Variants in NRG1 observed in about 807,000 individuals in gnomAD.
The protein encoded by NRG1 is neuregulin 1, also known as pro-neuregulin-1, membrane-bound isoform.
In NRG1, 18 loss-of-function variants were observed where a neutral mutation model predicts 63.8. The ratio of observed to expected loss-of-function variants is 0.28; its 90% CI spans 0.19 to 0.42. The LOEUF is 0.42. Among genes scored for constraint, NRG1 ranks in the 10% least tolerant of loss-of-function variants. The probability of loss-of-function intolerance (pLI) is 1.00; values close to 1 mark genes in which losing one functional copy is unlikely to be tolerated. For synonymous variants in NRG1, 302 were observed against 301.3 expected, an observed-to-expected ratio of 1.00 and a Z score of -0.02; for missense variants, 762 against 814.7, an observed-to-expected ratio of 0.94 and a Z score of 0.79.
intron 1 of NRG1, among the ~76,000 whole-genome samples, chr8:32,184,029 A>G (rs941754287): frequency 6.6e-6 from 1 of 152,116 alleles, no homozygotes; most frequent in Non-Finnish European, 1.5e-5. Flanking sequence ...TCTTGGAAAA[A>G]TAGCAATTCC....
chr8:31,653,337 G>C (rs898057704), intron 1 of NRG1, among the ~76,000 whole-genome samples: 1 of 151,936 alleles, frequency 6.6e-6, no homozygotes, highest in African/African-American at 2.4e-5. Context: ...GTTAGGGTAG[G>C]CTAACTGCAG....
chr8:32,346,215 A>G (rs1306365856), intron 1 of NRG1, among the ~76,000 whole-genome samples: 1 of 147,838 alleles, frequency 6.8e-6, no homozygotes, highest in Non-Finnish European at 1.5e-5. Flanking sequence ...ATGAATAGAT[A>G]TATAGATGGA....
chr8:31,773,540 AT>A (rs1467047536), intron 1 of NRG1, among the ~76,000 whole-genome samples: 2 of 152,206 alleles, frequency 1.3e-5, no homozygotes, highest in Non-Finnish European at 2.9e-5. Context: ...AGGTTCCTGC[AT>A]TGACTCTTGC....
intron 1 of NRG1, among the ~76,000 whole-genome samples, chr8:32,208,536 G>A (rs990560024): frequency 4.6e-5 from 7 of 152,064 alleles, no homozygotes; most frequent in African/African-American, 1.7e-4. Flanking sequence ...GGGATTACAG[G>A]CGTGAACCAC....
chr8:31,709,273 T>C (rs1811499838), intron 1 of NRG1, among the ~76,000 whole-genome samples: 1 of 151,944 alleles, frequency 6.6e-6, no homozygotes, highest in Non-Finnish European at 1.5e-5. Context: ...CTAGATATAT[T>C]CATATAAATT....
intron 1 of NRG1, among the ~76,000 whole-genome samples, chr8:32,412,423 C>CATATATATATATATATATATAT (rs1178545836): frequency 1.1e-5 from 1 of 93,022 alleles, no homozygotes; most frequent in African/African-American, 4.1e-5. Context: ...TCTCTCTCTA[C>CATATATATATATATATATATAT]ATATATATAT....
At chr8:32,721,969 G>T in intron 5 of NRG1, 2 of 1,544,626 alleles carry the variant, frequency 1.3e-6, no homozygotes, top group Non-Finnish European at 1.7e-6. Flanking sequence ...AATAATTTCA[G>T]ATTTTTTAAC....
chr8:32,259,796 T>C (rs945720842), intron 1 of NRG1, among the ~76,000 whole-genome samples: 6 of 152,214 alleles, frequency 3.9e-5, no homozygotes, highest in Admixed American at 3.3e-4. Context: ...CTTGTTCCAG[T>C]TTACATAATC....
intron 7 of NRG1, among the ~76,000 whole-genome samples, chr8:32,747,697 T>TTGA (rs1374808312): frequency 6.7e-6 from 1 of 149,568 alleles, no homozygotes. Flanking sequence ...AATGTACTTT[T>TTGA]TGATATATGT....
At chr8:31,912,468 G>C (rs1196110890) in intron 1 of NRG1, among the ~76,000 whole-genome samples, 1 of 151,658 alleles carries the variant, frequency 6.6e-6, no homozygotes, top group Non-Finnish European at 1.5e-5. Context: ...GGCAGGGTGA[G>C]AGAGCATCCC....
At chr8:32,295,900 G>A (rs1464330407) in intron 1 of NRG1, among the ~76,000 whole-genome samples, 1 of 146,120 alleles carries the variant, frequency 6.8e-6, no homozygotes, top group Non-Finnish European at 1.5e-5. Context: ...TCGCGCCATT[G>A]CACTCCAGCC....
chr8:32,640,063 C>A (rs1294793755), intron 5 of NRG1, among the ~76,000 whole-genome samples: 1 of 152,144 alleles, frequency 6.6e-6, no homozygotes, highest in Non-Finnish European at 1.5e-5. Flanking sequence ...CTGAGCTGTG[C>A]TGCTCTATGC....
intron 1 of NRG1, among the ~76,000 whole-genome samples, chr8:31,990,602 CTTTA>C (rs1810899315): frequency 6.6e-6 from 1 of 152,138 alleles, no homozygotes; most frequent in South Asian, 2.1e-4. Flanking sequence ...TGTTTGTTTT[CTTTA>C]TTTGACATAT....
chr8:32,192,842 A>C (rs540269315), intron 1 of NRG1, among the ~76,000 whole-genome samples: 1 of 152,186 alleles, frequency 6.6e-6, no homozygotes, highest in Non-Finnish European at 1.5e-5. Flanking sequence ...TCACCTACAC[A>C]CATAAACTCA....
chr8:31,987,661 G>A (rs1199093422), intron 1 of NRG1, among the ~76,000 whole-genome samples: 1 of 151,828 alleles, frequency 6.6e-6, no homozygotes, highest in East Asian at 1.9e-4. Context: ...CTACCTGCCT[G>A]ATGAAATAAT....
rs147213444 is a variant in NRG1, at chr8:32,622,407, T to G, written c.502+5522T>G. ...CTCCTCTTCTTTTCTGTTCTGTTCT[T>G]TTCTTTTCTTCTTTTGACAGGGTTT... On this transcript the variant is annotated intron_variant, in intron 5 of 11. Coordinates refer to ENST00000356819, the Ensembl canonical transcript of NRG1. Among the ~76,000 whole-genome samples the G allele has an allele frequency of 2.5e-3, 382 of 152,260 alleles. 3 individuals are homozygous for G. The highest frequency in any genetic ancestry group is 7.7e-3 in the South Asian group (37 of 4,824).
At chr8:32,387,236 T>A (rs564927716) in intron 1 of NRG1, among the ~76,000 whole-genome samples, 6 of 152,206 alleles carry the variant, frequency 3.9e-5, no homozygotes, top group Non-Finnish European at 8.8e-5. Context: ...TAGTACACAG[T>A]TCATCACTTT....
At chr8:31,853,094 G>A (rs1390845199) in intron 1 of NRG1, among the ~76,000 whole-genome samples, 2 of 151,998 alleles carry the variant, frequency 1.3e-5, no homozygotes, top group African/African-American at 4.8e-5. Flanking sequence ...GGCGATGCGG[G>A]CTCTTTTTTG....
chr8:32,645,451 AAC>A (rs1314068832), intron 5 of NRG1, among the ~76,000 whole-genome samples: 1 of 152,216 alleles, frequency 6.6e-6, no homozygotes. Flanking sequence ...TAGTACTGCA[AAC>A]ACAGTTTAAG....
Sources: gnomAD v4.1 joint callset for allele counts (sites outside exome capture counted in the v4.1 genomes callset) on GRCh38, gnomAD v4.1.1 for gene constraint, MANE v1.5 for transcripts, NCBI Gene and HGNC (gene_info 2026-07-23, HGNC 2026-07-21) for gene names.